Variants in RBM47 observed in about 807,000 individuals in gnomAD.
RBM47 encodes RNA binding motif protein 47, also known as RNA-binding protein 47.
Under a neutral mutation model 47.1 loss-of-function variants are expected in RBM47, and 21 were observed. That is an observed-to-expected ratio of 0.45 (90% CI 0.32 to 0.64). The LOEUF is 0.64. Ranked by LOEUF, RBM47 falls within the 30% of genes least tolerant of loss-of-function variation. The probability of loss-of-function intolerance (pLI) is 0.05; values close to 1 mark genes in which losing one functional copy is unlikely to be tolerated. For missense variants in RBM47, 708 were observed against 870.9 expected (o/e 0.81, Z 2.35); for synonymous variants, 375 against 361.7 (o/e 1.04, Z -0.42).
At chr4:40,510,609 T>C (rs1724796299) in intron 2 of RBM47, among the ~76,000 whole-genome samples, 1 of 152,132 alleles carries the variant, frequency 6.6e-6, no homozygotes, top group Non-Finnish European at 1.5e-5. Context: ...AACTGTGAGA[T>C]GAGACCCTAT....
intron 2 of RBM47, among the ~76,000 whole-genome samples, chr4:40,512,330 C>T (rs1170794543): frequency 6.8e-6 from 1 of 147,276 alleles, no homozygotes; most frequent in Non-Finnish European, 1.5e-5. Context: ...AGGAGAATCT[C>T]TTGAACCTGG....
chr4:40,527,682 C>T (rs188092082), intron 2 of RBM47, among the ~76,000 whole-genome samples: 1 of 146,962 alleles, frequency 6.8e-6, no homozygotes, highest in Admixed American at 7.1e-5. Context: ...CCCGCCTCAG[C>T]CTCCCAGGAC....
In RBM47 at chr4:40,424,648, A is replaced by C. The variant is rs1454279293; in HGVS notation, c.*1256T>G. The C allele has an allele frequency of 6.6e-6, 1 of 152,166 alleles. No individual in the cohort carries two copies. Among genetic ancestry groups the C allele is most frequent in the African/African-American group, 2.4e-5 (1 of 41,434 alleles). 9.4% of individuals were successfully genotyped at this position (152,166 alleles called of 1,614,324 possible). The stretch of plus-strand genomic sequence containing the variant: ...CCAATCCAGTTCACCCATCAAGTGC[A>C]CAGCAAAGGAAGAGAGGCCCATTTA... On this transcript the variant is annotated 3_prime_UTR_variant, in exon 7 of 7. Coordinates refer to ENST00000295971, the MANE Select transcript of RBM47 (RefSeq NM_001098634.2).
At position 40,488,028 on chromosome 4, in the gene RBM47, A is replaced by AAGAGAG. The variant is rs146501419; in HGVS notation, c.-154-21335_-154-21330dup. On this transcript the variant is annotated intron_variant, in intron 2 of 6. Coordinates refer to ENST00000295971, the MANE Select transcript of RBM47 (RefSeq NM_001098634.2). ...GAGTTAGGGGTGAGGGAAAGAAAGA[A>AAGAGAG]AGAGAGAGAGAGGCTGGGCACGGTG... 4.6e-5 allele frequency among the ~76,000 whole-genome samples: 7 copies of AAGAGAG among 151,878 alleles called. No homozygotes were observed. In the South Asian group the frequency reaches 1.0e-3, roughly 23 times the overall value.
chr4:40,537,268 TG>T (rs1345583486), intron 2 of RBM47, among the ~76,000 whole-genome samples: 30 of 131,726 alleles, frequency 2.3e-4, no homozygotes, highest in African/African-American at 8.9e-4. Context: ...TGCACCACCA[TG>T]CCCAGCTATT....
rs534141253 is a variant in RBM47, at chr4:40,447,947, C to T, written c.-31-9023G>A. 2.0e-5 allele frequency among the ~76,000 whole-genome samples: 3 copies of T among 152,118 alleles called. No homozygotes were observed. In the South Asian group the frequency reaches 6.2e-4, roughly 32 times the overall value. ...AATGGCGTGAACCCGGGAGGTGGAG[C>T]TTGCAGTGAGCCGAGATCGTGCCAC... is the stretch of plus-strand genomic sequence containing the variant. On this transcript the variant is annotated intron_variant, in intron 3 of 6. Transcript: ENST00000295971.
chr4:40,569,044 C>T (rs1402668473), intron 1 of RBM47, among the ~76,000 whole-genome samples: 1 of 149,688 alleles, frequency 6.7e-6, no homozygotes, highest in Non-Finnish European at 1.5e-5. Context: ...GACAGACAGA[C>T]AGACAGATAG....
intron 2 of RBM47, among the ~76,000 whole-genome samples, chr4:40,486,191 C>G (rs1367559718): frequency 6.6e-6 from 1 of 151,568 alleles, no homozygotes; most frequent in African/African-American, 2.4e-5. Flanking sequence ...ACATTGGTCC[C>G]AATCACTCTT....
intron 2 of RBM47, among the ~76,000 whole-genome samples, chr4:40,518,152 T>C (rs1356650985): frequency 1.4e-5 from 2 of 138,762 alleles, no homozygotes; most frequent in Non-Finnish European, 3.0e-5. Flanking sequence ...TTGTTTCTTT[T>C]CTTTTCTTTT....
intron 1 of RBM47, among the ~76,000 whole-genome samples, chr4:40,556,234 C>T (rs549206196): frequency 6.6e-6 from 1 of 151,960 alleles, no homozygotes; most frequent in Non-Finnish European, 1.5e-5. Flanking sequence ...CGGGGTTTCA[C>T]CATGTTGGCC....
chr4:40,529,039 G>C (rs1430676135), intron 2 of RBM47, among the ~76,000 whole-genome samples: 1 of 152,058 alleles, frequency 6.6e-6, no homozygotes, highest in Non-Finnish European at 1.5e-5. Context: ...TGTAATGGTG[G>C]AAAGTTTCTG....
At chr4:40,611,042 A>G (rs1736219002) in intron 1 of RBM47, among the ~76,000 whole-genome samples, 1 of 152,178 alleles carries the variant, frequency 6.6e-6, no homozygotes, top group South Asian at 2.1e-4. Flanking sequence ...AAGTATGTTA[A>G]AAGTCTTATC....
At chr4:40,445,499 T>G (rs950761746) in intron 3 of RBM47, among the ~76,000 whole-genome samples, 1 of 152,148 alleles carries the variant, frequency 6.6e-6, no homozygotes, top group Admixed American at 6.5e-5. Flanking sequence ...ATTCAGCAAA[T>G]AGTTATTGAC....
At chr4:40,568,853 T>TCACA (rs1731364756) in intron 1 of RBM47, among the ~76,000 whole-genome samples, 2 of 151,776 alleles carry the variant, frequency 1.3e-5, no homozygotes, top group Non-Finnish European at 2.9e-5. Context: ...TGCTGATGGG[T>TCACA]GCCTGTAGTC....
At chr4:40,516,944 C>T (rs971263267) in intron 2 of RBM47, among the ~76,000 whole-genome samples, 8 of 152,142 alleles carry the variant, frequency 5.3e-5, no homozygotes, top group Non-Finnish European at 8.8e-5. Context: ...CCCTTGCGTG[C>T]CCTTCTTTAT....
chr4:40,589,716 G>C (rs1733949984), intron 1 of RBM47, among the ~76,000 whole-genome samples: 1 of 152,240 alleles, frequency 6.6e-6, no homozygotes, highest in African/African-American at 2.4e-5. Context: ...TGGGATTGCA[G>C]GCGTAAGCCA....
At chr4:40,593,701 A>C (rs111582069) in intron 1 of RBM47, among the ~76,000 whole-genome samples, 3,717 of 152,140 alleles carry the variant, frequency 0.024, 70 homozygotes, top group Non-Finnish European at 0.039. Flanking sequence ...TAACACGGTG[A>C]AACCCCGTCT....
chr4:40,490,024 A>C (rs1721648443), intron 2 of RBM47, among the ~76,000 whole-genome samples: 1 of 152,270 alleles, frequency 6.6e-6, no homozygotes, highest in South Asian at 2.1e-4. Context: ...AACAAAAGAC[A>C]AAAACTATAC....
At chr4:40,507,506 C>T (rs1724273257) in intron 2 of RBM47, among the ~76,000 whole-genome samples, 2 of 152,156 alleles carry the variant, frequency 1.3e-5, no homozygotes, top group East Asian at 1.9e-4. Flanking sequence ...TCCAGAGTTA[C>T]GGCTGGGCGC....
Sources: allele counts gnomAD v4.1 joint callset (sites outside exome capture counted in the v4.1 genomes callset), GRCh38; gene constraint gnomAD v4.1.1; transcripts MANE v1.5; gene names NCBI Gene and HGNC (gene_info 2026-07-23, HGNC 2026-07-21).